The following GRM3 variants were observed in gnomAD, a reference collection of about 807,000 sequenced individuals.
GRM3 encodes the protein metabotropic glutamate receptor 3.
GRM3 carries 26 observed loss-of-function variants against 70.5 expected under a neutral mutation model. The ratio of observed to expected loss-of-function variants is 0.37; its 90% CI spans 0.27 to 0.51. GRM3 has a LOEUF of 0.51. GRM3 is among the 20% of genes least tolerant of loss of function. The pLI, the probability that GRM3 is intolerant of heterozygous loss-of-function variation, is 0.93. For missense variants in GRM3, 859 were observed against 1,123.8 expected, an observed-to-expected ratio of 0.76 and a Z score of 3.37; for synonymous variants, 443 against 434.9, an observed-to-expected ratio of 1.02 and a Z score of -0.23.
chr7:86,693,248 T>G (rs1794734710), intron 1 of GRM3, among the ~76,000 whole-genome samples: 1 of 152,194 alleles, frequency 6.6e-6, no homozygotes, highest in Admixed American at 6.5e-5. Flanking sequence ...AGACTTACTT[T>G]TAAATAAGGA....
intron 1 of GRM3, among the ~76,000 whole-genome samples, chr7:86,705,264 T>G (rs980647507): frequency 6.6e-6 from 1 of 151,982 alleles, no homozygotes; most frequent in African/African-American, 2.4e-5. Flanking sequence ...TGTCATTTAT[T>G]TTTCAATCTT....
At chr7:86,649,314 C>T (rs1298649309) in intron 1 of GRM3, among the ~76,000 whole-genome samples, 2 of 152,104 alleles carry the variant, frequency 1.3e-5, no homozygotes, top group African/African-American at 4.8e-5. Flanking sequence ...TCTGGAACAG[C>T]AAGGCATCCA....
At chr7:86,740,460 C>CA (rs1345267635) in intron 1 of GRM3, among the ~76,000 whole-genome samples, 9 of 151,786 alleles carry the variant, frequency 5.9e-5, no homozygotes, top group African/African-American at 1.5e-4. Context: ...AACTGTTTGA[C>CA]AAAAGAAACA....
intron 3 of GRM3, among the ~76,000 whole-genome samples, chr7:86,793,123 T>G (rs1338227967): frequency 6.6e-6 from 1 of 151,076 alleles, no homozygotes; most frequent in African/African-American, 2.4e-5. Flanking sequence ...TGTTTACAAT[T>G]CTCTACACCT....
At chr7:86,807,495 C>T (rs1346853338) in intron 3 of GRM3, among the ~76,000 whole-genome samples, 1 of 151,214 alleles carries the variant, frequency 6.6e-6, no homozygotes. Flanking sequence ...GTATTTTATT[C>T]TCTTTGAAGC....
intron 3 of GRM3, among the ~76,000 whole-genome samples, chr7:86,792,754 T>C (rs961497164): frequency 6.6e-6 from 1 of 152,208 alleles, no homozygotes; most frequent in Non-Finnish European, 1.5e-5. Context: ...ATGATTATTA[T>C]GGCTTACAAT....
intron 1 of GRM3, among the ~76,000 whole-genome samples, chr7:86,729,626 GA>G (rs1795678394): frequency 6.6e-6 from 1 of 152,178 alleles, no homozygotes; most frequent in African/African-American, 2.4e-5. Context: ...ATACGCATAT[GA>G]AATTATGTAT....
rs753715397 is a variant in GRM3 at position 86,864,352 on chromosome 7, G to A, written c.2637G>A (p.Leu879=). ...REVLDSTTSS[L] ...TCCTCGACTCCACCACCTCATCTCTGTGATTGTGAATTGCAGTTCAGTTCT... is the reference window on the plus strand; with the variant it reads ...TCCTCGACTCCACCACCTCATCTCTATGATTGTGAATTGCAGTTCAGTTCT... Residue 879 remains leucine (L), a synonymous_variant, in exon 6 of 6, where the codon CTG becomes CTA. Transcript: ENST00000361669. 1.2e-6 allele frequency: 2 copies of A among 1,609,342 alleles called. No homozygotes were observed. The highest frequency in any genetic ancestry group is 1.7e-6 in the Non-Finnish European group (2 of 1,175,808).
chr7:86,721,271 C>A (rs1795455431), intron 1 of GRM3, among the ~76,000 whole-genome samples: 1 of 152,004 alleles, frequency 6.6e-6, no homozygotes, highest in Non-Finnish European at 1.5e-5. Context: ...GCATCCCAGC[C>A]CTCACGCTGG....
At chr7:86,674,752 T>C (rs1189778196) in intron 1 of GRM3, among the ~76,000 whole-genome samples, 1 of 152,118 alleles carries the variant, frequency 6.6e-6, no homozygotes, top group Admixed American at 6.6e-5. Context: ...TACTCATATA[T>C]GATTTTCTAA....
intron 5 of GRM3, among the ~76,000 whole-genome samples, chr7:86,863,143 A>G (rs1265131675): frequency 2.0e-5 from 3 of 152,182 alleles, no homozygotes; most frequent in African/African-American, 7.2e-5. Context: ...GTTTCAGTCC[A>G]TAGAGAATGG....
At chr7:86,741,424 A>G (rs1176188213) in intron 1 of GRM3, among the ~76,000 whole-genome samples, 2 of 152,202 alleles carry the variant, frequency 1.3e-5, no homozygotes, top group Admixed American at 1.3e-4. Context: ...TCTTCCACAC[A>G]TGGGGCAGAG....
chr7:86,672,591 T>G (rs1794199449), intron 1 of GRM3, among the ~76,000 whole-genome samples: 1 of 151,856 alleles, frequency 6.6e-6, no homozygotes, highest in Non-Finnish European at 1.5e-5. Flanking sequence ...AGGGTTTTTT[T>G]GTTTTTGTTT....
chr7:86,755,314 T>C (rs1292513789), intron 1 of GRM3, among the ~76,000 whole-genome samples: 1 of 152,176 alleles, frequency 6.6e-6, no homozygotes. Context: ...TGAAATTTTA[T>C]TCAGCAAGTC....
chr7:86,685,095 T>A (rs538411967), intron 1 of GRM3, among the ~76,000 whole-genome samples: 2 of 152,324 alleles, frequency 1.3e-5, no homozygotes, highest in South Asian at 4.1e-4. Flanking sequence ...ATTTAAAATA[T>A]CTCAATATCC....
intron 1 of GRM3, among the ~76,000 whole-genome samples, chr7:86,697,352 C>G (rs925369368): frequency 6.6e-6 from 1 of 150,954 alleles, no homozygotes; most frequent in African/African-American, 2.4e-5. Flanking sequence ...AAAAGACCAG[C>G]CTGATCCAAG....
At chr7:86,783,541 A>G (rs1430623278) in intron 2 of GRM3, among the ~76,000 whole-genome samples, 1 of 152,134 alleles carries the variant, frequency 6.6e-6, no homozygotes, top group Non-Finnish European at 1.5e-5. Flanking sequence ...GTATGTACAT[A>G]CCCAGTACAT....
intron 2 of GRM3, among the ~76,000 whole-genome samples, chr7:86,778,448 G>GA (rs1170633314): frequency 3.3e-5 from 5 of 150,990 alleles, no homozygotes; most frequent in African/African-American, 4.9e-5. Context: ...GTCTTGTGTT[G>GA]AAAAAAAAAT....
At chr7:86,679,089 A>C (rs541598394) in intron 1 of GRM3, among the ~76,000 whole-genome samples, 1 of 152,170 alleles carries the variant, frequency 6.6e-6, no homozygotes, top group South Asian at 2.1e-4. Flanking sequence ...TTAATATGTC[A>C]TGTAACCCTT....
Sources: allele counts gnomAD v4.1 joint callset (sites outside exome capture counted in the v4.1 genomes callset), GRCh38; gene constraint gnomAD v4.1.1; transcripts MANE v1.5; gene names NCBI Gene and HGNC (gene_info 2026-07-23, HGNC 2026-07-21).